Variants in AKAP10 observed in about 807,000 individuals in gnomAD.
AKAP10 encodes A-kinase anchoring protein 10.
AKAP10 carries 24 observed loss-of-function variants against 80.8 expected under a neutral mutation model. That is an observed-to-expected ratio of 0.30 (90% CI 0.22 to 0.42). The LOEUF (loss-of-function observed/expected upper bound fraction) is 0.42. AKAP10 is among the 10% of genes least tolerant of loss of function. The pLI is 1.00. For missense variants in AKAP10, 661 were observed against 794.9 expected (o/e 0.83, Z 2.03); for synonymous variants, 291 against 277.7 (o/e 1.05, Z -0.48).
At chr17:19,953,278 G>A (rs2043236117) in intron 4 of AKAP10, among the ~76,000 whole-genome samples, 1 of 151,698 alleles carries the variant, frequency 6.6e-6, no homozygotes, top group Non-Finnish European at 1.5e-5. Flanking sequence ...GAAATTTACA[G>A]TATTAAATGC....
chr17:19,939,380 C>T lies in AKAP10; in HGVS notation c.1322+333G>A, dbSNP rs1419248271. ...CCCCTACGTTTCCATGGCTTCTGGG[C>T]CAATGCCTTTGCCTAGAATGTTGTT... On this transcript the variant is annotated intron_variant, in intron 8 of 14. Coordinates refer to ENST00000225737, the MANE Select transcript of AKAP10 (RefSeq NM_007202.4). Among the ~76,000 whole-genome samples, 5 of 152,128 alleles carry T rather than the reference C, an allele frequency of 3.3e-5. No individual in the cohort carries two copies. In the East Asian group the frequency reaches 9.6e-4, roughly 29 times the overall value.
intron 9 of AKAP10, among the ~76,000 whole-genome samples, chr17:19,933,181 G>C (rs370072760): frequency 1.3e-5 from 2 of 152,054 alleles, no homozygotes; most frequent in African/African-American, 2.4e-5. Flanking sequence ...ACCACACCCA[G>C]TTAATTTTTG....
rs1567765975 is a variant in AKAP10, at chr17:19,946,269, ATATATAT to A, written c.976+1131_976+1137del. 3.1e-3 allele frequency among the ~76,000 whole-genome samples: 81 copies of A among 26,026 alleles called. 9 individuals carry two copies. Among genetic ancestry groups the A allele is most frequent in the African/African-American group, 0.013 (77 of 5,832 alleles). 17.1% of individuals were successfully genotyped at this position (26,026 alleles called of 152,430 possible). ...TATATATATATATATATATATATAT[ATATATAT>A]TTTTTTTTTTTTTTTTTTTTTTTGG... On this transcript the variant is annotated intron_variant, in intron 5 of 14. Transcript: ENST00000225737.
intron 10 of AKAP10, among the ~76,000 whole-genome samples, chr17:19,931,110 G>T (rs539954043): frequency 6.6e-6 from 1 of 152,092 alleles, no homozygotes; most frequent in African/African-American, 2.4e-5. Context: ...GAATTTCCAG[G>T]TTGCAGCGAG....
chr17:19,955,307 G>A (rs1211954257), intron 4 of AKAP10, among the ~76,000 whole-genome samples: 1 of 152,162 alleles, frequency 6.6e-6, no homozygotes, highest in African/African-American at 2.4e-5. Flanking sequence ...TGGGATAGAG[G>A]TGGGGCTTGA....
chr17:19,944,219 A>G (rs2043079636), intron 5 of AKAP10, among the ~76,000 whole-genome samples: 1 of 152,148 alleles, frequency 6.6e-6, no homozygotes, highest in Non-Finnish European at 1.5e-5. Context: ...CTTCTATGTG[A>G]GCACTGGAAT....
At chr17:19,937,163 A>G (rs2043001201) in intron 8 of AKAP10, among the ~76,000 whole-genome samples, 2 of 152,242 alleles carry the variant, frequency 1.3e-5, no homozygotes, top group African/African-American at 4.8e-5. Context: ...TGACAGAAAT[A>G]CAAAGGTTGA....
At chr17:19,932,447 T>C (rs1386450462) in intron 9 of AKAP10, among the ~76,000 whole-genome samples, 2 of 133,494 alleles carry the variant, frequency 1.5e-5, no homozygotes, top group Non-Finnish European at 3.2e-5. Flanking sequence ...AGCAAGACTG[T>C]CTAAAAAAAA....
At chr17:19,947,118 G>A (rs1038949953) in intron 5 of AKAP10, 1 of 379,164 alleles carries the variant, frequency 2.6e-6, no homozygotes, top group Non-Finnish European at 4.9e-6. Flanking sequence ...CCGGTGGTCT[G>A]TGCCGGTTAG....
chr17:19,920,946 A>G (rs1462348426), intron 11 of AKAP10, among the ~76,000 whole-genome samples: 1 of 142,296 alleles, frequency 7.0e-6, no homozygotes, highest in East Asian at 2.0e-4. Flanking sequence ...TAGTATCGAG[A>G]AACATAGAGA....
At chr17:19,948,722 C>T (rs960920937) in intron 4 of AKAP10, among the ~76,000 whole-genome samples, 29 of 152,180 alleles carry the variant, frequency 1.9e-4, no homozygotes, top group African/African-American at 7.0e-4. Context: ...ATGAAAACGT[C>T]GAGTTGTATG....
rs191664151 is a variant in AKAP10, at chr17:19,907,035, G to A, written c.1984-803C>T. Among the ~76,000 whole-genome samples the A allele has an allele frequency of 2.1e-4, 29 of 139,044 alleles. No individual in the cohort carries two copies. The East Asian group carries it at 6.1e-3, about 29-fold the overall frequency. The allele number at this position is 139,044 out of a possible 152,430, so 91.2% of individuals were successfully genotyped here. On this transcript the variant is annotated intron_variant, in intron 14 of 14. Transcript: ENST00000225737. Reference sequence around the variant, plus strand: ...TACTGTTTTTTTTTGTTTTTTTTTTGAGACGGAGTTTCACTCTTGTGGCCC... The same window carrying A: ...TACTGTTTTTTTTTGTTTTTTTTTTAAGACGGAGTTTCACTCTTGTGGCCC...
At chr17:19,919,193 T>G (rs2042783710) in intron 12 of AKAP10, among the ~76,000 whole-genome samples, 1 of 151,904 alleles carries the variant, frequency 6.6e-6, no homozygotes, top group Admixed American at 6.6e-5. Context: ...TTTCTATCCT[T>G]GAGACAGTTT....
intron 6 of AKAP10, 40 bp downstream of exon 6, chr17:19,941,786 T>G: frequency 6.9e-7 from 1 of 1,454,714 alleles, no homozygotes; most frequent in African/African-American, 1.4e-5. Flanking sequence ...TGAACCCAAA[T>G]TCCCTAGGAT....
chr17:19,953,355 A>G (rs1034237711), intron 4 of AKAP10, among the ~76,000 whole-genome samples: 2 of 152,022 alleles, frequency 1.3e-5, no homozygotes, highest in African/African-American at 4.8e-5. Context: ...TTGGAGAAAA[A>G]AAAAAGAGTA....
At position 19,945,769 on chromosome 17, in the gene AKAP10, C is replaced by T. The variant is rs148636846; in HGVS notation, c.976+1638G>A. On this transcript the variant is annotated intron_variant, in intron 5 of 14. Transcript: ENST00000225737. ...CACCCACACTAAGGATTAAAGAAGCCCAACATCGGGACAGATCTGCTAAAA... is the reference window on the plus strand; with the variant it reads ...CACCCACACTAAGGATTAAAGAAGCTCAACATCGGGACAGATCTGCTAAAA... Among the ~76,000 whole-genome samples the T allele has an allele frequency of 5.4e-4, 82 of 152,132 alleles. No individual in the cohort carries two copies. The East Asian group carries it at 0.016, about 29-fold the overall frequency.
intron 11 of AKAP10, among the ~76,000 whole-genome samples, chr17:19,923,748 A>T (rs1348499721): frequency 1.3e-5 from 2 of 151,908 alleles, no homozygotes; most frequent in Non-Finnish European, 2.9e-5. Context: ...GGATGGTCTC[A>T]ATCTCCTGAC....
Position 19,963,069 on chromosome 17 carries a change from C to T in AKAP10, c.137-47G>A, listed in dbSNP as rs1244924831. ...TTAAGAATTAAACACAATTTGATAGCCTAAAACTCTCATAAAGGGGCTTTC... is the reference window on the plus strand; with the variant it reads ...TTAAGAATTAAACACAATTTGATAGTCTAAAACTCTCATAAAGGGGCTTTC... On this transcript the variant is annotated intron_variant, in intron 2 of 14. Transcript: ENST00000225737. 3.4e-6 allele frequency: 5 copies of T among 1,475,970 alleles called. No individual in the cohort carries two copies. In the African/African-American group the frequency reaches 5.6e-5, roughly 17 times the overall value. 91.4% of individuals were successfully genotyped at this position (1,475,970 alleles called of 1,614,324 possible).
intron 13 of AKAP10, 41 bp downstream of exon 13, chr17:19,909,885 C>G (rs1176464637): frequency 6.2e-7 from 1 of 1,600,146 alleles, no homozygotes; most frequent in East Asian, 2.2e-5. Flanking sequence ...GAGGGTGGCA[C>G]TTATAAACAG....
Sources: gnomAD v4.1 joint callset for allele counts (sites outside exome capture counted in the v4.1 genomes callset) on GRCh38, gnomAD v4.1.1 for gene constraint, MANE v1.5 for transcripts, NCBI Gene and HGNC (gene_info 2026-07-23, HGNC 2026-07-21) for gene names.